PTPRG: variants seen among roughly 807,000 people sequenced by gnomAD.
PTPRG encodes protein tyrosine phosphatase receptor type G, also known as receptor-type tyrosine-protein phosphatase gamma.
In PTPRG, 102 loss-of-function variants were observed where a neutral mutation model predicts 165.3. That is an observed-to-expected ratio of 0.62 (90% CI 0.53 to 0.73). The LOEUF is 0.73. Among genes scored for constraint, PTPRG ranks in the 30% least tolerant of loss-of-function variants. The pLI, the probability that PTPRG is intolerant of heterozygous loss-of-function variation, is 0.00. For synonymous variants in PTPRG, 675 were observed against 669.5 expected (o/e 1.01, Z -0.13); for missense variants, 1,866 against 1,861.4 (o/e 1.00, Z -0.05).
chr3:62,098,121 A>G lies in PTPRG; in HGVS notation c.615+19863A>G, dbSNP rs182499187. ...TAGTTTAATATCAATTTACTCTTCT[A>G]TAGGGCTTGACAATTTATCAAGTGC... On this transcript the variant is annotated intron_variant, in intron 5 of 29. Coordinates refer to ENST00000474889, the MANE Select transcript of PTPRG (RefSeq NM_002841.4). 7.6e-3 allele frequency among the ~76,000 whole-genome samples: 1,152 copies of G among 152,334 alleles called. 6 individuals carry two copies. The highest frequency in any genetic ancestry group is 0.014 in the Non-Finnish European group (920 of 68,032).
At chr3:61,785,636 A>G (rs893401460) in intron 2 of PTPRG, among the ~76,000 whole-genome samples, 1 of 152,202 alleles carries the variant, frequency 6.6e-6, no homozygotes, top group African/African-American at 2.4e-5. Flanking sequence ...GTTGTTCAGG[A>G]GAAAATAAAA....
chr3:61,733,340 C>G (rs1406530218), intron 1 of PTPRG, among the ~76,000 whole-genome samples: 1 of 152,152 alleles, frequency 6.6e-6, no homozygotes, highest in Non-Finnish European at 1.5e-5. Context: ...TTCCGTTTCT[C>G]TATCTGTTTA....
intron 28 of PTPRG, among the ~76,000 whole-genome samples, chr3:62,291,325 C>A (rs1368096695): frequency 1.3e-5 from 2 of 152,128 alleles, no homozygotes; most frequent in Non-Finnish European, 1.5e-5. Context: ...AACAGGCATA[C>A]CTGTGACCCT....
At chr3:61,918,257 A>G (rs992789183) in intron 2 of PTPRG, among the ~76,000 whole-genome samples, 1 of 152,204 alleles carries the variant, frequency 6.6e-6, no homozygotes, top group African/African-American at 2.4e-5. Context: ...TTCTCAGGGG[A>G]CTAAATCAGA....
At chr3:61,618,028 A>T (rs973668418) in intron 1 of PTPRG, among the ~76,000 whole-genome samples, 1 of 152,212 alleles carries the variant, frequency 6.6e-6, no homozygotes, top group African/African-American at 2.4e-5. Flanking sequence ...TTAAGCTTAC[A>T]AAGCGGCCAG....
chr3:61,851,605 G>T (rs892045496), intron 2 of PTPRG, among the ~76,000 whole-genome samples: 5 of 152,106 alleles, frequency 3.3e-5, no homozygotes, highest in African/African-American at 1.2e-4. Context: ...TTTGAATCAG[G>T]TATCTATTTT....
intron 1 of PTPRG, among the ~76,000 whole-genome samples, chr3:61,564,079 T>TGCCTCTACG (rs1290511985): frequency 6.6e-6 from 1 of 152,154 alleles, no homozygotes; most frequent in Non-Finnish European, 1.5e-5. Context: ...ACTGGAGTCC[T>TGCCTCTACG]GCCTCTACGG....
At chr3:61,751,169 G>A (rs1232019401) in intron 2 of PTPRG, 1 of 152,230 alleles carries the variant, frequency 6.6e-6, no homozygotes, top group Non-Finnish European at 1.5e-5. Flanking sequence ...CTCATGTCAA[G>A]AAGGCTTGGA....
At chr3:62,068,091 T>C (rs1189597505) in intron 4 of PTPRG, among the ~76,000 whole-genome samples, 1 of 152,200 alleles carries the variant, frequency 6.6e-6, no homozygotes, top group Non-Finnish European at 1.5e-5. Context: ...AATTACTTCT[T>C]AGATAAGACC....
At chr3:61,974,755 T>C (rs2040464105) in intron 2 of PTPRG, among the ~76,000 whole-genome samples, 1 of 152,202 alleles carries the variant, frequency 6.6e-6, no homozygotes, top group African/African-American at 2.4e-5. Flanking sequence ...ATAACTGTTT[T>C]CTTTGCAGAT....
chr3:61,796,981 T>C (rs988426844), intron 2 of PTPRG, among the ~76,000 whole-genome samples: 1 of 152,186 alleles, frequency 6.6e-6, no homozygotes, highest in Non-Finnish European at 1.5e-5. Context: ...AAGGGTTAGT[T>C]GTTGGATTCA....
At chr3:61,830,235 G>A (rs530743803) in intron 2 of PTPRG, among the ~76,000 whole-genome samples, 25 of 152,320 alleles carry the variant, frequency 1.6e-4, no homozygotes, top group African/African-American at 4.6e-4. Context: ...CAGAATTGCC[G>A]TATTTTTGGA....
At chr3:61,807,074 T>C (rs2035440610) in intron 2 of PTPRG, among the ~76,000 whole-genome samples, 1 of 152,134 alleles carries the variant, frequency 6.6e-6, no homozygotes, top group Non-Finnish European at 1.5e-5. Context: ...ATTCAGGATA[T>C]TGTATTTCGA....
At chr3:61,998,625 C>T (rs1177788782) in intron 3 of PTPRG, among the ~76,000 whole-genome samples, 1 of 152,222 alleles carries the variant, frequency 6.6e-6, no homozygotes, top group East Asian at 1.9e-4. Flanking sequence ...AAATTTACTT[C>T]TTGTATCAAG....
At chr3:61,915,667 T>A (rs1032495322) in intron 2 of PTPRG, among the ~76,000 whole-genome samples, 1 of 151,860 alleles carries the variant, frequency 6.6e-6, no homozygotes, top group Non-Finnish European at 1.5e-5. Flanking sequence ...TTTTTCTTTC[T>A]TTCTTCTTTC....
At chr3:61,899,802 C>T (rs889470105) in intron 2 of PTPRG, among the ~76,000 whole-genome samples, 2 of 152,142 alleles carry the variant, frequency 1.3e-5, no homozygotes, top group South Asian at 2.1e-4. Flanking sequence ...TGGGATTCAT[C>T]GGGATGTCGT....
chr3:61,749,227 T>C, intron 2 of PTPRG: 1 of 590,278 alleles, frequency 1.7e-6, no homozygotes, highest in Non-Finnish European at 3.1e-6. Context: ...AACTTTACTG[T>C]TAATGAGTTA....
At chr3:62,119,166 C>T (rs1014469814) in intron 5 of PTPRG, among the ~76,000 whole-genome samples, 1 of 152,168 alleles carries the variant, frequency 6.6e-6, no homozygotes, top group African/African-American at 2.4e-5. Flanking sequence ...GGTTGTGTTA[C>T]AGGTGGGTGT....
chr3:61,706,525 C>A (rs575302035), intron 1 of PTPRG, among the ~76,000 whole-genome samples: 7 of 149,376 alleles, frequency 4.7e-5, no homozygotes, highest in Non-Finnish European at 1.0e-4. Flanking sequence ...TGAAGTCTCG[C>A]TCTTGTCCCC....
Sources: gnomAD v4.1 joint callset for allele counts (sites outside exome capture counted in the v4.1 genomes callset) on GRCh38, gnomAD v4.1.1 for gene constraint, MANE v1.5 for transcripts, NCBI Gene and HGNC (gene_info 2026-07-23, HGNC 2026-07-21) for gene names.